The following RBFOX1 variants were observed in gnomAD, a reference collection of about 807,000 sequenced individuals.
RBFOX1 encodes the protein RNA binding fox-1 homolog 1, also known as RNA binding protein fox-1 homolog 1.
RBFOX1 carries 8 observed loss-of-function variants against 57.7 expected under a neutral mutation model. That is an observed-to-expected ratio of 0.14 (90% CI 0.08 to 0.25). The LOEUF is 0.25. RBFOX1 is among the 10% of genes least tolerant of loss of function. The pLI is 1.00. For synonymous variants in RBFOX1, 326 were observed against 222.4 expected, an observed-to-expected ratio of 1.47 and a Z score of -4.15; for missense variants, 611 against 548.5, an observed-to-expected ratio of 1.11 and a Z score of -1.14.
chr16:5,988,452 C>A (rs546955332), intron 4 of RBFOX1, among the ~76,000 whole-genome samples: 134 of 152,310 alleles, frequency 8.8e-4, no homozygotes, highest in Non-Finnish European at 1.7e-3. Flanking sequence ...CAGGTGCTCT[C>A]TGATTGGGAT....
chr16:5,364,278 TC>T (rs2065642154), intron 1 of RBFOX1, among the ~76,000 whole-genome samples: 1 of 152,156 alleles, frequency 6.6e-6, no homozygotes, highest in African/African-American at 2.4e-5. Context: ...GCACCAACAG[TC>T]CCCCAGGGGT....
At chr16:6,341,398 G>C (rs2084553304) in intron 2 of RBFOX1, among the ~76,000 whole-genome samples, 1 of 152,084 alleles carries the variant, frequency 6.6e-6, no homozygotes, top group Non-Finnish European at 1.5e-5. Context: ...AAAGGAGGTT[G>C]AGACTTCCTG....
chr16:7,266,190 T>C (rs1397185713), intron 4 of RBFOX1, among the ~76,000 whole-genome samples: 2 of 151,878 alleles, frequency 1.3e-5, no homozygotes, highest in African/African-American at 4.8e-5. Context: ...TTACCCAAGA[T>C]AGTGTGGATC....
At chr16:7,115,526 G>C (rs1440632946) in intron 4 of RBFOX1, among the ~76,000 whole-genome samples, 1 of 152,138 alleles carries the variant, frequency 6.6e-6, no homozygotes, top group East Asian at 1.9e-4. Flanking sequence ...TAGTGTCAAG[G>C]CTCTCTTTGA....
intron 2 of RBFOX1, among the ~76,000 whole-genome samples, chr16:5,537,931 C>T (rs372329098): frequency 6.6e-6 from 1 of 152,136 alleles, no homozygotes; most frequent in Admixed American, 6.5e-5. Context: ...GCATTATTCT[C>T]CCTCCCACAA....
In RBFOX1 at chr16:6,483,512, C is replaced by T. The variant is rs1297177665; in HGVS notation, c.-64+166455C>T. The T allele has an allele frequency of 9.1e-6, 14 of 1,535,534 alleles. 1 individual carries two copies. Among genetic ancestry groups the T allele is most frequent in the Non-Finnish European group, 1.0e-5 (12 of 1,146,868 alleles). On this transcript the variant is annotated intron_variant, in intron 2 of 15. Coordinates refer to ENST00000550418, the MANE Select transcript of RBFOX1 (RefSeq NM_018723.4). The stretch of plus-strand genomic sequence containing the variant: ...TTTGCAGCCGACAATGAAATCTTGG[C>T]AGCTAATTGCAGTCGTGGGAGATGC...
intron 4 of RBFOX1, among the ~76,000 whole-genome samples, chr16:7,150,587 C>T (rs187363857): frequency 5.3e-5 from 8 of 152,304 alleles, no homozygotes; most frequent in Admixed American, 2.0e-4. Flanking sequence ...CATTACGTGG[C>T]TCACTTTCAG....
intron 1 of RBFOX1, among the ~76,000 whole-genome samples, chr16:6,199,917 A>G (rs1348952320): frequency 2.6e-5 from 4 of 152,200 alleles, no homozygotes; most frequent in Non-Finnish European, 4.4e-5. Context: ...GGACTGTGCG[A>G]ACACTCATGA....
chr16:6,810,135 C>T (rs1234265360), intron 3 of RBFOX1, among the ~76,000 whole-genome samples: 1 of 151,814 alleles, frequency 6.6e-6, no homozygotes, highest in African/African-American at 2.4e-5. Context: ...ACAAATATGC[C>T]TCTTATGGAC....
At chr16:6,826,657 TG>T (rs554177539) in intron 3 of RBFOX1, among the ~76,000 whole-genome samples, 228 of 152,200 alleles carry the variant, frequency 1.5e-3, no homozygotes, top group Non-Finnish European at 1.9e-3. Context: ...TTTTTTTCTT[TG>T]TTTGCTACCA....
chr16:5,312,011 C>T (rs375652337), intron 1 of RBFOX1, among the ~76,000 whole-genome samples: 1 of 152,196 alleles, frequency 6.6e-6, no homozygotes, highest in South Asian at 2.1e-4. Flanking sequence ...GCCTGAATTT[C>T]CCAGTGCTTC....
intron 2 of RBFOX1, among the ~76,000 whole-genome samples, chr16:6,382,380 C>G (rs1261494956): frequency 6.6e-6 from 1 of 152,178 alleles, no homozygotes; most frequent in Non-Finnish European, 1.5e-5. Context: ...TTTGTGCTTG[C>G]TTTCTCCTGC....
intron 3 of RBFOX1, among the ~76,000 whole-genome samples, chr16:6,737,606 G>C (rs2070767395): frequency 6.6e-6 from 1 of 152,192 alleles, no homozygotes; most frequent in South Asian, 2.1e-4. Context: ...AGGCTCATTT[G>C]ATGTGAGGGC....
chr16:6,738,518 A>G (rs539928878), intron 3 of RBFOX1, among the ~76,000 whole-genome samples: 1 of 152,294 alleles, frequency 6.6e-6, no homozygotes, highest in African/African-American at 2.4e-5. Context: ...AAAAAAACAG[A>G]TATATGAACC....
intron 3 of RBFOX1, among the ~76,000 whole-genome samples, chr16:6,938,429 T>A (rs1005661158): frequency 1.3e-5 from 2 of 152,210 alleles, no homozygotes; most frequent in Admixed American, 6.5e-5. Context: ...GTTACACTGT[T>A]GCTGTTGTTA....
rs1401809538 is a variant in RBFOX1, at chr16:6,884,529, G to A, written c.-15-167528G>A. The stretch of plus-strand genomic sequence containing the variant: ...GAACTGTGTTGATGACATGTTACAT[G>A]TACATCATCTGTTACATTATCATAA... On this transcript the variant is annotated intron_variant, in intron 3 of 15. Coordinates refer to ENST00000550418, the MANE Select transcript of RBFOX1 (RefSeq NM_018723.4). Among the ~76,000 whole-genome samples the A allele has an allele frequency of 2.0e-5, 3 of 152,078 alleles. 1 individual carries two copies. Among genetic ancestry groups the A allele is most frequent in the South Asian group, 4.1e-4 (2 of 4,832 alleles).
intron 2 of RBFOX1, among the ~76,000 whole-genome samples, chr16:5,583,603 T>A (rs2046743569): frequency 6.6e-6 from 1 of 152,228 alleles, no homozygotes; most frequent in Non-Finnish European, 1.5e-5. Flanking sequence ...CTTTGCTCGA[T>A]TAAACTCCAT....
chr16:5,810,047 T>A (rs2055364795), intron 3 of RBFOX1, among the ~76,000 whole-genome samples: 1 of 152,130 alleles, frequency 6.6e-6, no homozygotes, highest in African/African-American at 2.4e-5. Context: ...AAATTGGAAA[T>A]CATCATTCTC....
At chr16:5,683,545 T>C (rs2050409463) in intron 3 of RBFOX1, among the ~76,000 whole-genome samples, 1 of 151,980 alleles carries the variant, frequency 6.6e-6, no homozygotes, top group South Asian at 2.1e-4. Flanking sequence ...CAGAAAAACC[T>C]GAAAAGGAGA....
Sources: gnomAD v4.1 joint callset for allele counts (sites outside exome capture counted in the v4.1 genomes callset) on GRCh38, gnomAD v4.1.1 for gene constraint, MANE v1.5 for transcripts, NCBI Gene and HGNC (gene_info 2026-07-23, HGNC 2026-07-21) for gene names.